The following ESRP1 variants were observed in gnomAD, a reference collection of about 807,000 sequenced individuals.
ESRP1 encodes epithelial splicing regulatory protein 1.
Under a neutral mutation model 81.7 loss-of-function variants are expected in ESRP1, and 33 were observed. The observed-to-expected ratio is 0.40, with a 90% CI of 0.31 to 0.54. The LOEUF (loss-of-function observed/expected upper bound fraction) is 0.54. ESRP1 is among the 20% of genes least tolerant of loss of function. The pLI, the probability that ESRP1 is intolerant of heterozygous loss-of-function variation, is 0.41. For synonymous variants in ESRP1, 320 were observed against 303.3 expected (o/e 1.06, Z -0.57); for missense variants, 672 against 833.1 (o/e 0.81, Z 2.38).
intron 6 of ESRP1, 103 bp from the exon 7 acceptor site, chr8:94,664,594 A>G: frequency 1.2e-6 from 1 of 809,520 alleles, no homozygotes. Flanking sequence ...TCTGAACACC[A>G]AATAATACAT....
At chr8:94,663,660 C>T (rs1231137659) in intron 6 of ESRP1, among the ~76,000 whole-genome samples, 2 of 152,116 alleles carry the variant, frequency 1.3e-5, no homozygotes, top group African/African-American at 4.8e-5. Flanking sequence ...TGAGTGTGTG[C>T]TTGGTCTCTG....
At chr8:94,648,386 TG>T (rs1210542792) in intron 4 of ESRP1, among the ~76,000 whole-genome samples, 3 of 152,224 alleles carry the variant, frequency 2.0e-5, no homozygotes, top group Non-Finnish European at 4.4e-5. Flanking sequence ...ATTGCTGCTG[TG>T]GTGAGTTATT....
chr8:94,678,652 A>G (rs1808738411), intron 13 of ESRP1, among the ~76,000 whole-genome samples: 1 of 152,250 alleles, frequency 6.6e-6, no homozygotes, highest in African/African-American at 2.4e-5. Flanking sequence ...TAGTGATGTG[A>G]TCACTGCAAT....
chr8:94,706,081 T>G lies in ESRP1; in HGVS notation c.*192T>G. 1.1e-6 allele frequency: 1 copy of G among 916,900 alleles called. No homozygotes were observed. Among genetic ancestry groups the G allele is most frequent in the South Asian group, 1.8e-5 (1 of 55,044 alleles). The allele number at this position is 916,900 out of a possible 1,614,324, so 56.8% of individuals were successfully genotyped here. ...TATCTTTTGGTGGAGTGAAAAAATT[T>G]GAGCTAGTGAAGCCAAATCGTAACT... On this transcript the variant is annotated 3_prime_UTR_variant, in exon 16 of 16. Coordinates refer to ENST00000433389, the MANE Select transcript of ESRP1 (RefSeq NM_017697.4).
chr8:94,667,608 C>T (rs535417531), intron 9 of ESRP1, among the ~76,000 whole-genome samples: 47 of 152,058 alleles, frequency 3.1e-4, no homozygotes, highest in Admixed American at 1.2e-3. Flanking sequence ...CGGAGTTGAA[C>T]TTGACTAAGA....
chr8:94,693,225 G>T (rs1189142127), intron 14 of ESRP1, among the ~76,000 whole-genome samples: 1 of 152,130 alleles, frequency 6.6e-6, no homozygotes, highest in Non-Finnish European at 1.5e-5. Context: ...GGTTTTAAAG[G>T]TGAGTATTTA....
rs531873731 is a variant in ESRP1 at position 94,696,322 on chromosome 8, A to G, written c.1972-530A>G. On this transcript the variant is annotated intron_variant, in intron 14 of 15. Coordinates refer to ENST00000433389, the MANE Select transcript of ESRP1 (RefSeq NM_017697.4). ...TACCATCAATGCCTTTTACATTTTC[A>G]ATAGATGCTAGTTTTTGTTTCTCTT... 7.2e-5 allele frequency among the ~76,000 whole-genome samples: 11 copies of G among 152,280 alleles called. No homozygotes were observed. In the East Asian group the frequency reaches 1.9e-3, roughly 27 times the overall value.
intron 13 of ESRP1, among the ~76,000 whole-genome samples, chr8:94,682,988 A>T (rs1325394656): frequency 1.0e-5 from 1 of 95,312 alleles, no homozygotes; most frequent in Non-Finnish European, 1.9e-5. Context: ...CTTGTTGCCC[A>T]GGCTGGAATG....
intron 13 of ESRP1, among the ~76,000 whole-genome samples, chr8:94,683,697 G>A (rs773809732): frequency 8.5e-5 from 13 of 152,282 alleles, no homozygotes; most frequent in Middle Eastern, 3.4e-3. Flanking sequence ...GATGCAATAT[G>A]AAGCAATATT....
In ESRP1 at chr8:94,689,249, C is replaced by CAAA. The variant is rs56220336; in HGVS notation, c.1821-3405_1821-3403dup. On this transcript the variant is annotated intron_variant, in intron 13 of 15. Transcript: ENST00000433389. Reference sequence around the variant, plus strand: ...CTGGGTGATAGCGAGACTCAGTCTCCAAAAAAAAAAAAAAAAAAAAAAAAA... The same window carrying CAAA: ...CTGGGTGATAGCGAGACTCAGTCTCCAAAAAAAAAAAAAAAAAAAAAAAAAAAA... 2.8e-3 allele frequency among the ~76,000 whole-genome samples: 273 copies of CAAA among 98,692 alleles called. 3 individuals are homozygous for CAAA. The highest frequency in any genetic ancestry group is 8.4e-3 in the African/African-American group (191 of 22,702). 64.7% of individuals were successfully genotyped at this position (98,692 alleles called of 152,430 possible).
chr8:94,683,966 G>A (rs899455412), intron 13 of ESRP1, among the ~76,000 whole-genome samples: 6 of 152,186 alleles, frequency 3.9e-5, no homozygotes, highest in African/African-American at 1.4e-4. Context: ...TCCTGCCGCA[G>A]CCTCCCGAGT....
intron 10 of ESRP1, among the ~76,000 whole-genome samples, chr8:94,668,767 TC>T (rs1819147879): frequency 8.4e-6 from 1 of 119,546 alleles, no homozygotes; most frequent in Non-Finnish European, 1.7e-5. Flanking sequence ...GTGAGCTCTG[TC>T]CTGTTTTACT....
rs188023115 is a variant in ESRP1 at position 94,686,209 on chromosome 8, A to G, written c.1821-6468A>G. ...CTCCCAAAGTGCTGGGATTACAGGC[A>G]TGAGCCACCAGGGCTGGCCTACGTT... On this transcript the variant is annotated intron_variant, in intron 13 of 15. Coordinates refer to ENST00000433389, the MANE Select transcript of ESRP1 (RefSeq NM_017697.4). Among the ~76,000 whole-genome samples the G allele has an allele frequency of 6.5e-3, 985 of 152,310 alleles. 7 individuals are homozygous for G. Among genetic ancestry groups the G allele is most frequent in the African/African-American group, 0.022 (919 of 41,568 alleles).
chr8:94,681,091 C>T (rs1340177043), intron 13 of ESRP1, among the ~76,000 whole-genome samples: 2 of 149,898 alleles, frequency 1.3e-5, no homozygotes, highest in Admixed American at 1.3e-4. Context: ...TTTGGGAGGC[C>T]AAGGTGGACG....
chr8:94,682,933 T>TATA (rs1491122070), intron 13 of ESRP1, among the ~76,000 whole-genome samples: 68 of 16,896 alleles, frequency 4.0e-3, no homozygotes, highest in South Asian at 0.014. Flanking sequence ...TATATATATA[T>TATA]TTTTTTTTTT....
At chr8:94,643,057 A>G (rs1481486544) in intron 2 of ESRP1, among the ~76,000 whole-genome samples, 1 of 152,158 alleles carries the variant, frequency 6.6e-6, no homozygotes, top group Non-Finnish European at 1.5e-5. Context: ...TTTTTGTAAA[A>G]ACAGAAGGGA....
intron 13 of ESRP1, among the ~76,000 whole-genome samples, chr8:94,690,227 C>A (rs990436002): frequency 2.0e-5 from 3 of 149,668 alleles, no homozygotes; most frequent in Middle Eastern, 3.2e-3. Context: ...CACCCACTTT[C>A]ATCTCCCAAA....
chr8:94,684,102 C>T (rs1255685690), intron 13 of ESRP1, among the ~76,000 whole-genome samples: 1 of 152,090 alleles, frequency 6.6e-6, no homozygotes, highest in Admixed American at 6.6e-5. Context: ...TAGCCTCGGC[C>T]TCCCTAAGTG....
At chr8:94,647,629 A>C (rs1186667761) in intron 4 of ESRP1, among the ~76,000 whole-genome samples, 2 of 152,112 alleles carry the variant, frequency 1.3e-5, no homozygotes, top group Admixed American at 1.3e-4. Context: ...CCATCATTTA[A>C]ACTTAACTTC....
Sources: allele counts gnomAD v4.1 joint callset (sites outside exome capture counted in the v4.1 genomes callset), GRCh38; gene constraint gnomAD v4.1.1; transcripts MANE v1.5; gene names NCBI Gene and HGNC (gene_info 2026-07-23, HGNC 2026-07-21).